Variants in TMEM175 observed in about 807,000 individuals in gnomAD.
The protein encoded by TMEM175 is transmembrane protein 175.
In TMEM175, 36 loss-of-function variants were observed where a neutral mutation model predicts 36.5. That is an observed-to-expected ratio of 0.99 (90% CI 0.76 to 1.30). The LOEUF (loss-of-function observed/expected upper bound fraction) is 1.30, where lower values mean the gene tolerates loss of function less well. Ranked by LOEUF, TMEM175 falls within the 50% of genes most tolerant of loss-of-function variation. The pLI, the probability that TMEM175 is intolerant of heterozygous loss-of-function variation, is 0.00. For synonymous variants in TMEM175, 339 were observed against 313.4 expected, an observed-to-expected ratio of 1.08 and a Z score of -0.86; for missense variants, 705 against 692.8, an observed-to-expected ratio of 1.02 and a Z score of -0.20.
At chr4:956,250 C>T (rs960567113) in intron 10 of TMEM175, 3 of 1,208,192 alleles carry the variant, frequency 2.5e-6, no homozygotes, top group Non-Finnish European at 2.1e-6. Flanking sequence ...CCAACACCAG[C>T]CCCTCCTAGT....
At chr4:956,888 C>G (rs1729726795) in intron 10 of TMEM175, 1 of 170,952 alleles carries the variant, frequency 5.8e-6, no homozygotes, top group Admixed American at 6.0e-5. Context: ...TCCAAGTCTC[C>G]TGATGCTCTT....
rs556671047 is a variant in TMEM175, at chr4:932,909, TG to T, written c.-32+373del. ...CCGAGGAGAGGGCCAGGGTCTGGCC[TG>T]GGGCAGTGACCAGTAGTGGGAGCCG... On this transcript the variant is annotated intron_variant, in intron 1 of 10. Coordinates refer to ENST00000264771, the MANE Select transcript of TMEM175 (RefSeq NM_032326.4). The surrounding 1 kb of genome is among the most constrained non-coding windows in gnomAD (Gnocchi z 4.0). Among the ~76,000 whole-genome samples, 115 of 152,362 alleles carry T rather than the reference TG, an allele frequency of 7.5e-4. No individual in the cohort carries two copies. The highest frequency in any genetic ancestry group is 2.7e-3 in the African/African-American group (113 of 41,584).
At chr4:938,937 G>A (rs1390611539) in intron 1 of TMEM175, among the ~76,000 whole-genome samples, 1 of 152,186 alleles carries the variant, frequency 6.6e-6, no homozygotes, top group South Asian at 2.1e-4. Context: ...ATACAAGATT[G>A]AACAAGGACA....
chr4:956,249 GC>G, intron 10 of TMEM175: 1 of 1,170,618 alleles, frequency 8.5e-7, no homozygotes, highest in Non-Finnish European at 1.1e-6. Context: ...CCCAACACCA[GC>G]CCCTCCTAGT....
Position 934,397 on chromosome 4 carries a change from A to G in TMEM175, c.-32+1857A>G, listed in dbSNP as rs73064455. 4.7e-3 allele frequency among the ~76,000 whole-genome samples: 720 copies of G among 152,360 alleles called. 8 individuals are homozygous for G. Among genetic ancestry groups the G allele is most frequent in the African/African-American group, 0.017 (693 of 41,588 alleles). ...ATGTTCGGGGCAGAGAGTGCAGCTA[A>G]GAGTGTCGAATGCCACTTAAAAGTC... On this transcript the variant is annotated intron_variant, in intron 1 of 10. Transcript: ENST00000264771.
chr4:945,406 CATTCCAGCCTCGG>C (rs995326826), intron 1 of TMEM175, among the ~76,000 whole-genome samples: 8 of 152,140 alleles, frequency 5.3e-5, no homozygotes, highest in Non-Finnish European at 8.8e-5. Flanking sequence ...CCCCACCGTT[CATTCCAGCCTCGG>C]TTTCTGTTTT....
intron 10 of TMEM175, chr4:956,175 CCTCA>C: frequency 1.3e-6 from 1 of 743,194 alleles, no homozygotes. Context: ...CAACTGCTCT[CCTCA>C]CTCCTCTCAG....
intron 3 of TMEM175, chr4:948,358 GCCT>G: frequency 6.5e-7 from 1 of 1,534,012 alleles, no homozygotes; most frequent in Non-Finnish European, 8.7e-7. Context: ...GGAGGTCCTG[GCCT>G]CCTGGGAGGG....
rs555155188 is a variant in TMEM175, at chr4:958,196, G to C, written c.1215G>C (p.Leu405=). 3 of 1,602,834 alleles carry C rather than the reference G, an allele frequency of 1.9e-6. No individual in the cohort carries two copies. In the Admixed American group the frequency reaches 5.0e-5, roughly 27 times the overall value. Residue 405 remains leucine, a synonymous_variant, in exon 11 of 11, where the codon CTG becomes CTC. Transcript: ENST00000264771. ...TTALLHQAET[L]QPSVWFGGRE... ...CGCTGCTGCACCAGGCGGAGACGCT[G>C]CAGCCCTCGGTGTGGTTTGGCGGCC...
Position 952,989 on chromosome 4 carries a change from T to G in TMEM175, c.463-201T>G, listed in dbSNP as rs115117276. Among the ~76,000 whole-genome samples the G allele has an allele frequency of 8.8e-3, 1,340 of 151,888 alleles. 21 individuals are homozygous for G. Among genetic ancestry groups the G allele is most frequent in the African/African-American group, 0.029 (1,208 of 41,390 alleles). On this transcript the variant is annotated intron_variant, in intron 7 of 10. Transcript: ENST00000264771. ...TCCACCTCAGCCCCTGTGCCCAAAG[T>G]GTCCCAGGTACAAGCCCACCTCTAC...
chr4:953,173 G>T lies in TMEM175; in HGVS notation c.463-17G>T. On this transcript the variant is annotated splice_polypyrimidine_tract_variant and intron_variant, in intron 7 of 10. Coordinates refer to ENST00000264771, the MANE Select transcript of TMEM175 (RefSeq NM_032326.4). ...CTGCTCTTGGGGCCTGTGTCCTACA[G>T]CTTGCTTTTCCCGCAGGCACTGATT... 1 of 1,593,960 alleles carries T rather than the reference G, an allele frequency of 6.3e-7. No individual in the cohort carries two copies. Among genetic ancestry groups the T allele is most frequent in the Non-Finnish European group, 8.6e-7 (1 of 1,167,984 alleles).
At chr4:936,666 T>A (rs1265228872) in intron 1 of TMEM175, among the ~76,000 whole-genome samples, 1 of 152,140 alleles carries the variant, frequency 6.6e-6, no homozygotes, top group South Asian at 2.1e-4. Flanking sequence ...TAAGAAGAAA[T>A]TGTGTTGGGC....
rs752589491 is a variant in TMEM175 at position 958,367 on chromosome 4, G to A, written c.1386G>A (p.Leu462=). 1.9e-6 allele frequency: 3 copies of A among 1,602,970 alleles called. No homozygotes were observed. In the African/African-American group the frequency reaches 4.0e-5, roughly 21 times the overall value. ...QIAVPCAFLL[L]RLLVGLALAT... ...CCGTGCCCTGCGCCTTCCTGTTGCT[G>A]CGCCTGCTCGTGGGCCTGGCCCTGG... The change falls in exon 11 of 11, where the codon CTG becomes CTA. Residue 462 remains leucine (L), a synonymous_variant. Transcript: ENST00000264771.
chr4:933,791 T>C (rs1726428151), intron 1 of TMEM175, among the ~76,000 whole-genome samples: 1 of 152,236 alleles, frequency 6.6e-6, no homozygotes, highest in Non-Finnish European at 1.5e-5. Context: ...TCTGTTATCT[T>C]TATCATTAAA....
intron 4 of TMEM175, among the ~76,000 whole-genome samples, 174 bp downstream of exon 4, chr4:950,692 T>TGGTGCAGTAGGCAGAGGTGTGGAC (rs1728756642): frequency 6.6e-6 from 1 of 151,912 alleles, no homozygotes; most frequent in African/African-American, 2.4e-5. Context: ...ACAGTGTGGA[T>TGGTGCAGTAGGCAGAGGTGTGGAC]GGTGCAGTAG....
At chr4:938,295 G>C (rs2152996764) in intron 1 of TMEM175, among the ~76,000 whole-genome samples, 1 of 152,312 alleles carries the variant, frequency 6.6e-6, no homozygotes, top group African/African-American at 2.4e-5. Context: ...CCTGAGGTCA[G>C]GAGTTTGAGA....
intron 8 of TMEM175, among the ~76,000 whole-genome samples, chr4:954,376 A>G (rs1729353125): frequency 6.6e-6 from 1 of 152,218 alleles, no homozygotes; most frequent in Non-Finnish European, 1.5e-5. Flanking sequence ...TGGGGATAAG[A>G]CCAGTATCTG....
chr4:945,102 C>T (rs545843064), intron 1 of TMEM175, among the ~76,000 whole-genome samples: 1 of 128,450 alleles, frequency 7.8e-6, no homozygotes, highest in Non-Finnish European at 1.7e-5. Context: ...GACCCTGTCT[C>T]AAAAAGAAAA....
intron 1 of TMEM175, among the ~76,000 whole-genome samples, chr4:945,133 C>G (rs957915460): frequency 1.3e-5 from 1 of 74,610 alleles, no homozygotes; most frequent in Non-Finnish European, 3.1e-5. Context: ...TGCGTGTTGC[C>G]TCAGTGCAGA....
Sources: gnomAD v4.1 joint callset for allele counts (sites outside exome capture counted in the v4.1 genomes callset) on GRCh38, gnomAD v4.1.1 for gene constraint, Gnocchi (gnomAD v3.1) non-coding constraint, MANE v1.5 for transcripts, NCBI Gene and HGNC (gene_info 2026-07-23, HGNC 2026-07-21) for gene names.